Variants in MYRFL observed in about 807,000 individuals in gnomAD.
MYRFL encodes the protein myelin regulatory factor like.
Under a neutral mutation model 109.4 loss-of-function variants are expected in MYRFL, and 88 were observed. The ratio of observed to expected loss-of-function variants is 0.80; its 90% CI spans 0.68 to 0.96. MYRFL has a LOEUF of 0.96. MYRFL is among the 40% of genes least tolerant of loss of function. The pLI, the probability that MYRFL is intolerant of heterozygous loss-of-function variation, is 0.00. For missense variants in MYRFL, 957 were observed against 954.9 expected (o/e 1.00, Z -0.03); for synonymous variants, 324 against 320.9 (o/e 1.01, Z -0.10).
chr12:69,861,593 T>C (rs1163542780), intron 2 of MYRFL, among the ~76,000 whole-genome samples: 2 of 152,042 alleles, frequency 1.3e-5, no homozygotes, highest in Non-Finnish European at 2.9e-5. Flanking sequence ...TTTGATGGGG[T>C]TGTTTGTTTT....
rs1956157091 is a variant in MYRFL at position 69,959,070 on chromosome 12, G to T, written c.*539G>T. The T allele has an allele frequency of 6.5e-6, 1 of 152,848 alleles. No homozygotes were observed. Among genetic ancestry groups the T allele is most frequent in the Non-Finnish European group, 1.5e-5 (1 of 68,606 alleles). The allele number at this position is 152,848 out of a possible 1,614,324, so 9.5% of individuals were successfully genotyped here. On this transcript the variant is annotated 3_prime_UTR_variant, in exon 25 of 25. Coordinates refer to ENST00000552032, the MANE Select transcript of MYRFL (RefSeq NM_182530.3). ...TACACTAGAGTACAGAATGTAGTTT[G>T]TTAATCAAATGGATTTAAGAGAAAT...
intron 1 of MYRFL, among the ~76,000 whole-genome samples, chr12:69,849,372 C>A (rs974786371): frequency 6.6e-6 from 1 of 152,150 alleles, no homozygotes; most frequent in African/African-American, 2.4e-5. Flanking sequence ...ATAAATTTTT[C>A]TTTTAATGTT....
At chr12:69,833,495 G>A (rs1882758692) in intron 1 of MYRFL, among the ~76,000 whole-genome samples, 1 of 152,180 alleles carries the variant, frequency 6.6e-6, no homozygotes, top group South Asian at 2.1e-4. Flanking sequence ...ATCATTTAAT[G>A]AAGGAAAACC....
chr12:69,950,804 T>C (rs1054856289), intron 19 of MYRFL, among the ~76,000 whole-genome samples: 1 of 152,168 alleles, frequency 6.6e-6, no homozygotes, highest in African/African-American at 2.4e-5. Flanking sequence ...GATTCTGAGA[T>C]AGCAATACTA....
At chr12:69,877,540 A>G (rs1885765871) in intron 2 of MYRFL, among the ~76,000 whole-genome samples, 1 of 151,788 alleles carries the variant, frequency 6.6e-6, no homozygotes, top group South Asian at 2.1e-4. Context: ...CATCTATTCT[A>G]TTTCTGTCTG....
In MYRFL at chr12:69,952,266, G is replaced by A. The variant is rs1955996300; in HGVS notation, c.2287+91G>A. 2.5e-6 allele frequency: 3 copies of A among 1,196,102 alleles called. No individual in the cohort carries two copies. The Admixed American group carries it at 6.0e-5, about 24-fold the overall frequency. 74.1% of individuals were successfully genotyped at this position (1,196,102 alleles called of 1,614,324 possible). On this transcript the variant is annotated intron_variant, in intron 20 of 24. Coordinates refer to ENST00000552032, the MANE Select transcript of MYRFL (RefSeq NM_182530.3). ...AAAGCATTGCTGGAGTGAGGAGCAG[G>A]GACAAAGGCTGCAGCCTGCCTGCCA...
intron 1 of MYRFL, among the ~76,000 whole-genome samples, chr12:69,831,382 A>C (rs905355743): frequency 6.6e-6 from 1 of 152,202 alleles, no homozygotes; most frequent in African/African-American, 2.4e-5. Context: ...TTACAAAAAA[A>C]GTTTACCAAC....
At chr12:69,885,106 T>TC (rs200256891) in intron 5 of MYRFL, among the ~76,000 whole-genome samples, 26 of 152,156 alleles carry the variant, frequency 1.7e-4, no homozygotes, top group Middle Eastern at 3.4e-3. Flanking sequence ...AGGGTTTCTT[T>TC]CTTTTTTTTA....
chr12:69,906,105 C>T (rs1954349635), intron 11 of MYRFL, among the ~76,000 whole-genome samples: 1 of 152,174 alleles, frequency 6.6e-6, no homozygotes, highest in Admixed American at 6.5e-5. Context: ...TTACCTAATA[C>T]TACAATTGGG....
At chr12:69,898,077 A>G (rs1012216904) in intron 10 of MYRFL, among the ~76,000 whole-genome samples, 1 of 152,214 alleles carries the variant, frequency 6.6e-6, no homozygotes, top group South Asian at 2.1e-4. Flanking sequence ...GAAGTGATAC[A>G]GGGAGGCCAT....
At position 69,866,710 on chromosome 12, in the gene MYRFL, C is replaced by G. The variant is rs548231993; in HGVS notation, c.137+11340C>G. On this transcript the variant is annotated intron_variant, in intron 2 of 24. Coordinates refer to ENST00000552032, the MANE Select transcript of MYRFL (RefSeq NM_182530.3). Reference sequence around the variant, plus strand: ...CACTGGGCTGCAAAATTTCTGAGAGCTAGCTGAAATCTCATAGGCAGATTT... The same window carrying G: ...CACTGGGCTGCAAAATTTCTGAGAGGTAGCTGAAATCTCATAGGCAGATTT... Among the ~76,000 whole-genome samples the G allele has an allele frequency of 2.6e-5, 4 of 152,256 alleles. No homozygotes were observed. In the East Asian group the frequency reaches 7.7e-4, roughly 29 times the overall value.
chr12:69,869,739 T>A (rs1342976221), intron 2 of MYRFL, among the ~76,000 whole-genome samples: 1 of 152,152 alleles, frequency 6.6e-6, no homozygotes, highest in Admixed American at 6.5e-5. Flanking sequence ...ATTGTGAGTA[T>A]CCCACCTAGA....
intron 2 of MYRFL, among the ~76,000 whole-genome samples, chr12:69,866,378 C>T (rs967744877): frequency 2.0e-5 from 3 of 151,960 alleles, no homozygotes; most frequent in African/African-American, 4.8e-5. Context: ...AGTCCATGAC[C>T]GCAGGGACAC....
intron 1 of MYRFL, among the ~76,000 whole-genome samples, chr12:69,854,023 C>T (rs561794869): frequency 4.3e-4 from 66 of 152,296 alleles, no homozygotes; most frequent in South Asian, 8.3e-4. Flanking sequence ...TGTAGTGAGC[C>T]GAGATCACGC....
intron 1 of MYRFL, among the ~76,000 whole-genome samples, chr12:69,852,335 G>A (rs1883923333): frequency 6.6e-6 from 1 of 151,832 alleles, no homozygotes; most frequent in Non-Finnish European, 1.5e-5. Context: ...GTGAAACATT[G>A]TCTCTAAATA....
rs1246877218 is a variant in MYRFL, at chr12:69,957,826, A to G, written c.2455A>G (p.Thr819Ala). The part of the protein sequence containing the change: ...NVKFSLEINT[T>A]EPLIVFQCKF... Reference sequence around the variant, plus strand: ...TCTTTTCTTTGTCTCTTGAAGCACAACAGAGCCATTGATAGTCTTCCAGTG... The same window carrying G: ...TCTTTTCTTTGTCTCTTGAAGCACAGCAGAGCCATTGATAGTCTTCCAGTG... The change falls in exon 23 of 25, where the codon ACA becomes GCA. Residue 819 changes from threonine to alanine, a missense_variant. Transcript: ENST00000552032. The G allele has an allele frequency of 1.4e-5, 21 of 1,530,540 alleles. No individual in the cohort carries two copies. In the Admixed American group the frequency reaches 2.2e-4, roughly 16 times the overall value. The allele number at this position is 1,530,540 out of a possible 1,614,324, so 94.8% of individuals were successfully genotyped here.
chr12:69,840,442 C>T (rs1312214080), intron 1 of MYRFL, among the ~76,000 whole-genome samples: 5 of 152,118 alleles, frequency 3.3e-5, no homozygotes, highest in Non-Finnish European at 7.4e-5. Context: ...TTTGACCTCT[C>T]CTCTCTACTC....
At chr12:69,838,884 G>A (rs1393370022) in intron 1 of MYRFL, among the ~76,000 whole-genome samples, 2 of 152,174 alleles carry the variant, frequency 1.3e-5, no homozygotes, top group Non-Finnish European at 2.9e-5. Flanking sequence ...GTTACATGAT[G>A]CAATGAACTA....
intron 23 of MYRFL, 84 bp from the exon 24 acceptor site, chr12:69,958,165 A>T: frequency 7.8e-7 from 1 of 1,274,498 alleles, no homozygotes; most frequent in Admixed American, 2.1e-5. Context: ...ACAGTCATTG[A>T]GGAAATGCTT....
Sources: gnomAD v4.1 joint callset for allele counts (sites outside exome capture counted in the v4.1 genomes callset) on GRCh38, gnomAD v4.1.1 for gene constraint, MANE v1.5 for transcripts, NCBI Gene and HGNC (gene_info 2026-07-23, HGNC 2026-07-21) for gene names.